CDC14A: variants seen among roughly 807,000 people sequenced by gnomAD.
CDC14A encodes dual specificity protein phosphatase CDC14A.
CDC14A carries 53 observed loss-of-function variants against 74.4 expected under a neutral mutation model. The observed-to-expected ratio is 0.71, with a 90% CI of 0.57 to 0.89. The LOEUF is 0.89. Among genes scored for constraint, CDC14A ranks in the 40% least tolerant of loss-of-function variants. CDC14A has a pLI of 0.00. For synonymous variants in CDC14A, 247 were observed against 258.4 expected, an observed-to-expected ratio of 0.96 and a Z score of 0.43; for missense variants, 646 against 713.7, an observed-to-expected ratio of 0.91 and a Z score of 1.08.
chr1:100,425,181 C>A lies in CDC14A; in HGVS notation c.389+880C>A, dbSNP rs6698086. ...ATACCGTTTCTCAAATAAATAAATACATACATACATACAGTAGAAGGGACC... is the reference window on the plus strand; with the variant it reads ...ATACCGTTTCTCAAATAAATAAATAAATACATACATACAGTAGAAGGGACC... On this transcript the variant is annotated intron_variant, in intron 5 of 15. Coordinates refer to ENST00000336454, the MANE Select transcript of CDC14A (RefSeq NM_003672.4). 4.3e-3 allele frequency among the ~76,000 whole-genome samples: 652 copies of A among 152,100 alleles called. 6 individuals are homozygous for A. The highest frequency in any genetic ancestry group is 0.014 in the African/African-American group (599 of 41,498).
chr1:100,353,158 C>T (rs1651356638), intron 1 of CDC14A, among the ~76,000 whole-genome samples, 155 bp downstream of exon 1: 2 of 152,228 alleles, frequency 1.3e-5, no homozygotes, highest in Admixed American at 1.3e-4. Context: ...CTCCGAGGAC[C>T]CCCTGCTTCC....
intron 9 of CDC14A, among the ~76,000 whole-genome samples, chr1:100,464,243 G>A (rs1359650307): frequency 6.6e-6 from 1 of 152,204 alleles, no homozygotes. Flanking sequence ...CCTCCTGGGT[G>A]GGCAGAGCTC....
At chr1:100,382,413 G>A (rs10875289) in intron 3 of CDC14A, among the ~76,000 whole-genome samples, 36,802 of 119,242 alleles carry the variant, frequency 0.31, 5,746 homozygotes, top group Non-Finnish European at 0.38. Context: ...TTTTTTTTTA[G>A]TTTTTGTAGA....
intron 3 of CDC14A, among the ~76,000 whole-genome samples, chr1:100,382,843 A>C (rs1212194684): frequency 6.6e-6 from 1 of 152,214 alleles, no homozygotes; most frequent in Non-Finnish European, 1.5e-5. Context: ...GAAGCATTGG[A>C]AGTACCTGGC....
chr1:100,460,868 A>C (rs1031196602), intron 8 of CDC14A, among the ~76,000 whole-genome samples: 1 of 152,220 alleles, frequency 6.6e-6, no homozygotes, highest in Non-Finnish European at 1.5e-5. Context: ...CAAGTGTACC[A>C]GTTATGGCTG....
chr1:100,390,832 C>G lies in CDC14A; in HGVS notation c.309+8C>G. The stretch of plus-strand genomic sequence containing the variant: ...TTGATAGGTGCCTATGCAGTAAGTA[C>G]CTTCTTCATGATTATTTTCTATAAT... On this transcript the variant is annotated splice_region_variant and intron_variant, in intron 4 of 15. Transcript: ENST00000336454. 1 of 1,587,946 alleles carries G rather than the reference C, an allele frequency of 6.3e-7. No homozygotes were observed. Among genetic ancestry groups the G allele is most frequent in the Non-Finnish European group, 8.6e-7 (1 of 1,157,236 alleles).
At chr1:100,425,911 C>T (rs1662909668) in intron 5 of CDC14A, among the ~76,000 whole-genome samples, 1 of 152,092 alleles carries the variant, frequency 6.6e-6, no homozygotes, top group Non-Finnish European at 1.5e-5. Flanking sequence ...AGTTTGAAGC[C>T]TCATTCTGCT....
At chr1:100,489,886 AAGAG>A (rs1290359801) in intron 11 of CDC14A, among the ~76,000 whole-genome samples, 1 of 152,196 alleles carries the variant, frequency 6.6e-6, no homozygotes, top group Non-Finnish European at 1.5e-5. Context: ...AGCTTAGGAC[AAGAG>A]AGAGTCTGCT....
At chr1:100,419,250 G>C (rs886201385) in intron 4 of CDC14A, among the ~76,000 whole-genome samples, 3 of 152,120 alleles carry the variant, frequency 2.0e-5, no homozygotes, top group Admixed American at 1.3e-4. Context: ...TCTGGGTATT[G>C]ACTTGATGTG....
chr1:100,489,997 C>T (rs1437941606), intron 11 of CDC14A, among the ~76,000 whole-genome samples: 2 of 152,186 alleles, frequency 1.3e-5, no homozygotes, highest in African/African-American at 2.4e-5. Flanking sequence ...GTTCTTTAGT[C>T]ATCATGAAGA....
At chr1:100,426,007 G>C (rs1245308469) in intron 5 of CDC14A, among the ~76,000 whole-genome samples, 2 of 152,088 alleles carry the variant, frequency 1.3e-5, no homozygotes, top group African/African-American at 2.4e-5. Flanking sequence ...AATGGCTTCA[G>C]GTCTAAACTA....
intron 3 of CDC14A, among the ~76,000 whole-genome samples, chr1:100,385,721 G>A (rs1656753579): frequency 6.6e-6 from 1 of 152,088 alleles, no homozygotes; most frequent in South Asian, 2.1e-4. Context: ...TTTTAGCCTT[G>A]CCCAGGACCC....
At chr1:100,489,534 A>G (rs1269449243) in intron 11 of CDC14A, among the ~76,000 whole-genome samples, 1 of 149,844 alleles carries the variant, frequency 6.7e-6, no homozygotes, top group African/African-American at 2.5e-5. Context: ...GGAATAAAAT[A>G]TTTATTCTTC....
chr1:100,351,421 A>T (rs1007174761), upstream of CDC14A, among the ~76,000 whole-genome samples: 2 of 152,170 alleles, frequency 1.3e-5, no homozygotes, highest in Admixed American at 6.5e-5. Context: ...TTTCGTATGG[A>T]AGGGACTGCA....
intron 2 of CDC14A, among the ~76,000 whole-genome samples, chr1:100,357,302 A>T (rs1045723702): frequency 1.3e-5 from 2 of 152,122 alleles, no homozygotes; most frequent in Non-Finnish European, 2.9e-5. Flanking sequence ...TAGAACCAGG[A>T]TGGGAGGAGC....
At chr1:100,484,069 A>G (rs1669790612) in intron 10 of CDC14A, among the ~76,000 whole-genome samples, 1 of 152,182 alleles carries the variant, frequency 6.6e-6, no homozygotes, top group South Asian at 2.1e-4. Flanking sequence ...ATAGACAAAT[A>G]TTGGAGGATG....
Position 100,353,118 on chromosome 1 carries a change from C to G in CDC14A, c.49+115C>G, listed in dbSNP as rs948568526. ...GCCAGTGTCCTGCAGCCGCTGCGCG[C>G]GCTCTCGTCCCCTCTAGGGACTCTC... On this transcript the variant is annotated intron_variant, in intron 1 of 15. Coordinates refer to ENST00000336454, the MANE Select transcript of CDC14A (RefSeq NM_003672.4). The G allele has an allele frequency of 3.5e-6, 4 of 1,127,556 alleles. No individual in the cohort carries two copies. In the Admixed American group the frequency reaches 5.9e-5, roughly 17 times the overall value. The allele number at this position is 1,127,556 out of a possible 1,614,324, so 69.8% of individuals were successfully genotyped here.
At chr1:100,361,349 T>C (rs574590167) in intron 2 of CDC14A, among the ~76,000 whole-genome samples, 2 of 152,318 alleles carry the variant, frequency 1.3e-5, no homozygotes, top group African/African-American at 4.8e-5. Context: ...TACAGGATAA[T>C]ACATGACCAA....
At chr1:100,424,331 C>A (rs1553181372) in intron 5 of CDC14A, 30 bp downstream of exon 5, 1 of 1,516,954 alleles carries the variant, frequency 6.6e-7, no homozygotes, top group South Asian at 1.1e-5. Context: ...TTGGGTTAAA[C>A]TTTTGCTACA....
Sources: allele counts gnomAD v4.1 joint callset (sites outside exome capture counted in the v4.1 genomes callset), GRCh38; gene constraint gnomAD v4.1.1; transcripts MANE v1.5; gene names NCBI Gene and HGNC (gene_info 2026-07-23, HGNC 2026-07-21).